Variants in RFX2 observed in about 807,000 individuals in gnomAD.
The protein encoded by RFX2 is DNA-binding protein RFX2.
In RFX2, 20 loss-of-function variants were observed where a neutral mutation model predicts 87.8. The ratio of observed to expected loss-of-function variants is 0.23; its 90% CI spans 0.16 to 0.33. RFX2 has a LOEUF of 0.33. Ranked by LOEUF, RFX2 falls within the 10% of genes least tolerant of loss-of-function variation. RFX2 has a pLI of 1.00. For synonymous variants in RFX2, 397 were observed against 431.3 expected (o/e 0.92, Z 0.98); for missense variants, 767 against 1,012.3 (o/e 0.76, Z 3.29).
rs1041717115 is a variant in RFX2, at chr19:5,993,464, G to A, written c.*1371C>T. On this transcript the variant is annotated 3_prime_UTR_variant, in exon 18 of 18. Coordinates refer to ENST00000303657, the MANE Select transcript of RFX2 (RefSeq NM_000635.4). Reference sequence around the variant, plus strand: ...AAGTAGGTTTTTAAAGGCCACGTGAGCTGACATTAGTACCTTCTGTGTGAA... The same window carrying A: ...AAGTAGGTTTTTAAAGGCCACGTGAACTGACATTAGTACCTTCTGTGTGAA... 5 of 152,230 alleles carry A rather than the reference G, an allele frequency of 3.3e-5. No individual in the cohort carries two copies. The highest frequency in any genetic ancestry group is 2.6e-4 in the Admixed American group (4 of 15,280). The allele number at this position is 152,230 out of a possible 1,614,324, so 9.4% of individuals were successfully genotyped here. A position where few individuals can be genotyped will look rare whatever the true frequency, so the allele number is the denominator to read the frequency against.
At chr19:6,080,501 C>T (rs1443321509) in intron 1 of RFX2, among the ~76,000 whole-genome samples, 3 of 152,054 alleles carry the variant, frequency 2.0e-5, no homozygotes, top group South Asian at 2.1e-4. Context: ...AGTAGAGATC[C>T]GGGCTGTGGT....
intron 1 of RFX2, among the ~76,000 whole-genome samples, chr19:6,108,222 G>C (rs1301210190): frequency 6.6e-6 from 1 of 152,148 alleles, no homozygotes; most frequent in Non-Finnish European, 1.5e-5. Flanking sequence ...AGTAATTCAA[G>C]AACTTAAATT....
At chr19:6,086,236 G>A (rs752254063) in intron 1 of RFX2, among the ~76,000 whole-genome samples, 12 of 151,966 alleles carry the variant, frequency 7.9e-5, no homozygotes, top group Non-Finnish European at 1.6e-4. Context: ...AGTAAAATAC[G>A]GCCATGAGTC....
chr19:6,084,695 T>C (rs1255980362), intron 1 of RFX2, among the ~76,000 whole-genome samples: 1 of 149,616 alleles, frequency 6.7e-6, no homozygotes, highest in East Asian at 1.9e-4. Flanking sequence ...AGTGCAGTGG[T>C]GCGATCTTGG....
chr19:6,008,845 G>A (rs1043835930), intron 9 of RFX2, among the ~76,000 whole-genome samples: 3 of 151,846 alleles, frequency 2.0e-5, no homozygotes, highest in East Asian at 1.9e-4. Flanking sequence ...GCCTGGCTAA[G>A]TTTGTATTTT....
chr19:6,073,164 G>A (rs1228117088), intron 1 of RFX2: 6 of 450,496 alleles, frequency 1.3e-5, no homozygotes, highest in Non-Finnish European at 2.5e-5. Context: ...ATTTTTATTA[G>A]AGACGGGGTT....
At chr19:6,098,028 T>C (rs1384457282) in intron 1 of RFX2, among the ~76,000 whole-genome samples, 1 of 152,220 alleles carries the variant, frequency 6.6e-6, no homozygotes, top group Non-Finnish European at 1.5e-5. Flanking sequence ...AAAAACCCTC[T>C]TTCTTCTTTT....
chr19:6,088,460 C>T (rs1410256496), intron 1 of RFX2, among the ~76,000 whole-genome samples: 1 of 152,100 alleles, frequency 6.6e-6, no homozygotes, highest in East Asian at 1.9e-4. Flanking sequence ...ATCCACCCGC[C>T]TCAGCCTCCC....
At chr19:6,038,349 A>AC (rs1343307984) in intron 5 of RFX2, among the ~76,000 whole-genome samples, 2 of 149,906 alleles carry the variant, frequency 1.3e-5, no homozygotes, top group South Asian at 2.1e-4. Context: ...AAAAAAAAAA[A>AC]AAACCCAAAA....
rs1486869634 is a variant in RFX2 at position 6,020,488 on chromosome 19, A to C, written c.598-4217T>G. Reference sequence around the variant, plus strand: ...GGGAGGAGAATGGGGTTAGAACCGAAGTATGGCTTGCAGACTCTGTTCAGG... The same window carrying C: ...GGGAGGAGAATGGGGTTAGAACCGACGTATGGCTTGCAGACTCTGTTCAGG... On this transcript the variant is annotated intron_variant, in intron 6 of 17. Coordinates refer to ENST00000303657, the MANE Select transcript of RFX2 (RefSeq NM_000635.4). This position sits in a 1 kb window ranked among gnomAD's most constrained non-coding sequence, Gnocchi z 5.3. 1 of 152,206 alleles carries C rather than the reference A, an allele frequency of 6.6e-6. No homozygotes were observed. Among genetic ancestry groups the C allele is most frequent in the Non-Finnish European group, 1.5e-5 (1 of 68,056 alleles). 9.4% of individuals were successfully genotyped at this position (152,206 alleles called of 1,614,324 possible).
Position 6,044,391 on chromosome 19 carries a change from A to G in RFX2, c.91-109T>C, listed in dbSNP as rs911323025. 2 of 746,798 alleles carry G rather than the reference A, an allele frequency of 2.7e-6. No homozygotes were observed. Among genetic ancestry groups the G allele is most frequent in the Non-Finnish European group, 4.0e-6 (2 of 496,566 alleles). The allele number at this position is 746,798 out of a possible 1,614,324, so 46.3% of individuals were successfully genotyped here. On this transcript the variant is annotated intron_variant, in intron 2 of 17. Transcript: ENST00000303657. This position sits in a 1 kb window ranked among gnomAD's most constrained non-coding sequence, Gnocchi z 5.3. Reference sequence around the variant, plus strand: ...CTGTTCATGTGCTTTTTATTAAAACATAGGCAGGACTGATCAGAGGCGACG... The same window carrying G: ...CTGTTCATGTGCTTTTTATTAAAACGTAGGCAGGACTGATCAGAGGCGACG...
intron 12 of RFX2, 94 bp downstream of exon 12, chr19:6,006,918 G>A: frequency 2.8e-6 from 4 of 1,434,606 alleles, no homozygotes; most frequent in Non-Finnish European, 2.9e-6. Flanking sequence ...TGAAAGCGAT[G>A]GTCTGAGGTG....
chr19:6,078,890 C>T (rs1752745984), intron 1 of RFX2, among the ~76,000 whole-genome samples: 2 of 152,210 alleles, frequency 1.3e-5, no homozygotes, highest in Admixed American at 6.5e-5. Context: ...ATTCTAGTGC[C>T]TCAGCCTCCC....
chr19:6,004,541 T>C lies in RFX2; in HGVS notation c.1403-243A>G, dbSNP rs970891204. Reference sequence around the variant, plus strand: ...GGGGCGATTCTGCCCCAGGGGACACTGGGCAATGTCTGGGGACGTTAATGG... The same window carrying C: ...GGGGCGATTCTGCCCCAGGGGACACCGGGCAATGTCTGGGGACGTTAATGG... On this transcript the variant is annotated intron_variant, in intron 12 of 17. Transcript: ENST00000303657. The surrounding 1 kb of genome is among the most constrained non-coding windows in gnomAD (Gnocchi z 4.8). Among the ~76,000 whole-genome samples, 2 of 152,140 alleles carry C rather than the reference T, an allele frequency of 1.3e-5. No homozygotes were observed. Among genetic ancestry groups the C allele is most frequent in the African/African-American group, 4.8e-5 (2 of 41,434 alleles).
At position 6,013,498 on chromosome 19, in the gene RFX2, T is replaced by C. The variant is rs1434382706; in HGVS notation, c.780-393A>G. ...ACTGCGCCTGGCCTCTTCTCTCTTT[T>C]TTTTTTTTTTCAGAAACAGGGTCTC... is the stretch of plus-strand genomic sequence containing the variant. On this transcript the variant is annotated intron_variant, in intron 7 of 17. Coordinates refer to ENST00000303657, the MANE Select transcript of RFX2 (RefSeq NM_000635.4). This position sits in a 1 kb window ranked among gnomAD's most constrained non-coding sequence, Gnocchi z 4.1. Among the ~76,000 whole-genome samples the C allele has an allele frequency of 6.6e-6, 1 of 151,320 alleles. No homozygotes were observed. Among genetic ancestry groups the C allele is most frequent in the Non-Finnish European group, 1.5e-5 (1 of 67,832 alleles).
chr19:6,107,930 A>T (rs2088245646), intron 1 of RFX2, among the ~76,000 whole-genome samples: 1 of 152,258 alleles, frequency 6.6e-6, no homozygotes, highest in Admixed American at 6.5e-5. Context: ...ACATTAAGGT[A>T]ATGCGTGCCC....
chr19:6,038,328 GAAAAAAAAA>G (rs55857624), intron 5 of RFX2, among the ~76,000 whole-genome samples: 2 of 61,100 alleles, frequency 3.3e-5, no homozygotes, highest in Non-Finnish European at 2.8e-5. Flanking sequence ...CTCCGTCTCA[GAAAAAAAAA>G]AAAAAAAAAA....
intron 1 of RFX2, among the ~76,000 whole-genome samples, chr19:6,076,766 T>C (rs2087698764): frequency 6.6e-6 from 1 of 152,212 alleles, no homozygotes; most frequent in African/African-American, 2.4e-5. Flanking sequence ...GTTATGCTGT[T>C]TGCTATTTGT....
rs1403370021 is a variant in RFX2 at position 6,110,118 on chromosome 19, C to A, written c.-9+275G>T. 1.3e-5 allele frequency among the ~76,000 whole-genome samples: 2 copies of A among 152,094 alleles called. No individual in the cohort carries two copies. Among genetic ancestry groups the A allele is most frequent in the Admixed American group, 6.5e-5 (1 of 15,280 alleles). On this transcript the variant is annotated intron_variant, in intron 1 of 17. Coordinates refer to ENST00000303657, the MANE Select transcript of RFX2 (RefSeq NM_000635.4). This position sits in a 1 kb window ranked among gnomAD's most constrained non-coding sequence, Gnocchi z 4.3. ...TAAGCGTGAGAAAGGGGTCCCCGGA[C>A]GCCCCAACCTCAGGAAGTTTTGTAA... is the stretch of plus-strand genomic sequence containing the variant.
Sources: allele counts gnomAD v4.1 joint callset (sites outside exome capture counted in the v4.1 genomes callset), GRCh38; gene constraint gnomAD v4.1.1; non-coding constraint Gnocchi (gnomAD v3.1); transcripts MANE v1.5; gene names NCBI Gene and HGNC (gene_info 2026-07-23, HGNC 2026-07-21).